Variants in SH2D7 observed in about 807,000 individuals in gnomAD.
SH2D7 encodes the protein SH2 domain containing 7, also known as SH2 domain-containing protein 7.
A neutral mutation model predicts 40.8 loss-of-function variants in SH2D7; 32 were observed. The observed-to-expected ratio is 0.78, with a 90% confidence interval of 0.59 to 1.05. The LOEUF (loss-of-function observed/expected upper bound fraction) is 1.05. Among genes scored for constraint, SH2D7 ranks in the 50% least tolerant of loss-of-function variants. SH2D7 has a pLI of 0.00. For synonymous variants in SH2D7, 195 were observed against 221.5 expected, an observed-to-expected ratio of 0.88 and a Z score of 1.06; for missense variants, 559 against 566.6, an observed-to-expected ratio of 0.99 and a Z score of 0.14.
At position 78,103,548 on chromosome 15, in the gene SH2D7, T is replaced by A; in HGVS notation, c.*33T>A. 1 of 1,555,618 alleles carries A rather than the reference T, an allele frequency of 6.4e-7. No individual in the cohort carries two copies. Among genetic ancestry groups the A allele is most frequent in the South Asian group, 1.2e-5 (1 of 84,340 alleles). On this transcript the variant is annotated 3_prime_UTR_variant, in exon 6 of 6. Coordinates refer to ENST00000328828, the MANE Select transcript of SH2D7 (RefSeq NM_001101404.2). ...GCATCCGGCAGCCCACCAGTGGGTT[T>A]CCTGGTACCCAGGCCATGCCAGGGG...
chr15:78,103,401 G>A, intron 5 of SH2D7, 64 bp from the exon 6 acceptor site: 1 of 1,543,592 alleles, frequency 6.5e-7, no homozygotes, highest in Non-Finnish European at 8.8e-7. Context: ...GGGGTCCTCG[G>A]AGCCTGGGTC....
At chr15:78,090,623 CCATCATCATCAT>C (rs59098608), upstream of SH2D7, among the ~76,000 whole-genome samples, 13 of 146,340 alleles carry the variant, frequency 8.9e-5, no homozygotes, top group South Asian at 2.2e-4. Context: ...TCTTGCATCA[CCATCATCATCAT>C]CATCATCATC....
chr15:78,099,258 C>T (rs1391068138), intron 4 of SH2D7, among the ~76,000 whole-genome samples: 1 of 152,120 alleles, frequency 6.6e-6, no homozygotes, highest in East Asian at 1.9e-4. Context: ...CTCAAGTGAT[C>T]CGCCCGCCTT....
At chr15:78,093,786 T>C (rs566528240) in intron 1 of SH2D7, among the ~76,000 whole-genome samples, 1 of 152,316 alleles carries the variant, frequency 6.6e-6, no homozygotes, top group South Asian at 2.1e-4. Context: ...TACACAACCA[T>C]CCAGGTGGAG....
intron 4 of SH2D7, among the ~76,000 whole-genome samples, chr15:78,099,400 C>T (rs2073997471): frequency 6.6e-6 from 1 of 152,116 alleles, no homozygotes; most frequent in South Asian, 2.1e-4. Context: ...GCAATCTCTG[C>T]ATCCTGGATC....
At position 78,094,198 on chromosome 15, in the gene SH2D7, A is replaced by G. The variant is rs202206957; in HGVS notation, c.263A>G (p.Tyr88Cys). 2.5e-5 allele frequency: 40 copies of G among 1,607,530 alleles called. No homozygotes were observed. In the East Asian group the frequency reaches 8.9e-4, roughly 36 times the overall value. Residue 88 changes from tyrosine (Y) to cysteine (C), a missense_variant, in exon 2 of 6, where the codon TAC (tyrosine) becomes TGC (cysteine). Physicochemically the swap from Tyr to Cys is radical, Grantham distance 194. Coordinates refer to ENST00000328828, the MANE Select transcript of SH2D7 (RefSeq NM_001101404.2). ...CGAGCCACTGGCTACATCTTGTCCT[A>G]CAGGTAAGAGGGGAAGCCCTCTGGG... ...SDRATGYILS[Y>C]RGSDRCRHFV...
chr15:78,094,418 G>A (rs1292475576), intron 2 of SH2D7, among the ~76,000 whole-genome samples: 1 of 152,234 alleles, frequency 6.6e-6, no homozygotes, highest in Admixed American at 6.5e-5. Flanking sequence ...GGTGAGTGGG[G>A]TTCGGGGAGG....
rs2074035401 is a variant in SH2D7, at chr15:78,104,321, T to C, written c.*806T>C. 6.6e-6 allele frequency: 1 copy of C among 152,254 alleles called. No homozygotes were observed. Among genetic ancestry groups the C allele is most frequent in the South Asian group, 2.1e-4 (1 of 4,832 alleles). 9.4% of individuals were successfully genotyped at this position (152,254 alleles called of 1,614,324 possible). On this transcript the variant is annotated 3_prime_UTR_variant, in exon 6 of 6. Coordinates refer to ENST00000328828, the MANE Select transcript of SH2D7 (RefSeq NM_001101404.2). The surrounding 1 kb of genome is among the most constrained non-coding windows in gnomAD (Gnocchi z 4.4). ...TGGGAAATCTACTCTTAGTGACCAC[T>C]TGGCTATGCAGCTTTTCCTGAAATA... is the stretch of plus-strand genomic sequence containing the variant.
At position 78,103,529 on chromosome 15, in the gene SH2D7, G is replaced by A. The variant is rs373423215; in HGVS notation, c.*14G>A. ...CACAAATTCTGAGGGCCTGGCATCC[G>A]GCAGCCCACCAGTGGGTTTCCTGGT... On this transcript the variant is annotated 3_prime_UTR_variant, in exon 6 of 6. Coordinates refer to ENST00000328828, the MANE Select transcript of SH2D7 (RefSeq NM_001101404.2). The A allele has an allele frequency of 7.9e-5, 123 of 1,560,410 alleles. No homozygotes were observed. Among genetic ancestry groups the A allele is most frequent in the African/African-American group, 2.6e-4 (19 of 73,520 alleles).
chr15:78,099,516 G>A (rs184490384), intron 4 of SH2D7, among the ~76,000 whole-genome samples: 5 of 143,168 alleles, frequency 3.5e-5, no homozygotes, highest in African/African-American at 1.1e-4. Flanking sequence ...TAGTAGAGAC[G>A]GGTTTTCGCC....
chr15:78,095,542 G>GA (rs1368719330), intron 2 of SH2D7, among the ~76,000 whole-genome samples: 1 of 152,242 alleles, frequency 6.6e-6, no homozygotes, highest in Non-Finnish European at 1.5e-5. Flanking sequence ...TTCCGTGGGG[G>GA]AAAGGCTTGT....
Position 78,094,118 on chromosome 15 carries a change from G to A in SH2D7, c.183G>A (p.Thr61=), listed in dbSNP as rs540320385. ...WFHGFITRKQ[T]EQLLRDKALG... The stretch of plus-strand genomic sequence containing the variant: ...TGGCATGTCTTCTGCCCAGGCAGAC[G>A]GAGCAGCTACTCAGGGACAAAGCTC... Residue 61 remains threonine (T), a synonymous_variant, in exon 2 of 6, where the codon ACG becomes ACA. Transcript: ENST00000328828. The A allele has an allele frequency of 1.0e-5, 16 of 1,607,480 alleles. 1 individual carries two copies. The highest frequency in any genetic ancestry group is 6.7e-5 in the African/African-American group (5 of 74,836).
rs567428781 is a variant in SH2D7 at position 78,094,609 on chromosome 15, G to T, written c.266+408G>T. Among the ~76,000 whole-genome samples, 77 of 152,314 alleles carry T rather than the reference G, an allele frequency of 5.1e-4. 1 individual carries two copies. Among genetic ancestry groups the T allele is most frequent in the Middle Eastern group, 6.8e-3 (2 of 294 alleles). ...CTGCAGGGTGCTGGGGGAGCTGCAG[G>T]TTGCTGGGTGCAGCAGAACACTTGG... is the stretch of plus-strand genomic sequence containing the variant. On this transcript the variant is annotated intron_variant, in intron 2 of 5. Coordinates refer to ENST00000328828, the MANE Select transcript of SH2D7 (RefSeq NM_001101404.2).
intron 5 of SH2D7, 145 bp from the exon 6 acceptor site, chr15:78,103,320 G>T (rs934239795): frequency 3.5e-6 from 3 of 851,764 alleles, no homozygotes. Flanking sequence ...GGAGAGGCTT[G>T]TGGAATCAAC....
intron 2 of SH2D7, among the ~76,000 whole-genome samples, chr15:78,095,359 A>C (rs940523714): frequency 1.3e-5 from 2 of 151,998 alleles, no homozygotes; most frequent in Non-Finnish European, 2.9e-5. Context: ...GGATTTTTTT[A>C]TTTTCTTTTG....
intron 3 of SH2D7, 137 bp downstream of exon 3, chr15:78,098,231 C>A: frequency 7.1e-7 from 1 of 1,400,492 alleles, no homozygotes; most frequent in Non-Finnish European, 9.6e-7. Flanking sequence ...GGGTCATGAT[C>A]CCTATTGGAA....
chr15:78,095,892 G>T (rs985304753), intron 2 of SH2D7, among the ~76,000 whole-genome samples: 1 of 151,814 alleles, frequency 6.6e-6, no homozygotes, highest in Non-Finnish European at 1.5e-5. Context: ...GCTCTGGCTG[G>T]AGTGCAGTGG....
chr15:78,092,281 T>C (rs1262407446), upstream of SH2D7, among the ~76,000 whole-genome samples: 1 of 151,968 alleles, frequency 6.6e-6, no homozygotes, highest in Non-Finnish European at 1.5e-5. Flanking sequence ...AGACAGGAGG[T>C]TGTGGGGAAC....
At chr15:78,102,030 T>C (rs1255622097) in intron 5 of SH2D7, among the ~76,000 whole-genome samples, 1 of 152,152 alleles carries the variant, frequency 6.6e-6, no homozygotes, top group Non-Finnish European at 1.5e-5. Context: ...GGCAGGTGGA[T>C]TGCTTGAGCT....
Sources: gnomAD v4.1 joint callset for allele counts (sites outside exome capture counted in the v4.1 genomes callset) on GRCh38, gnomAD v4.1.1 for gene constraint, Gnocchi (gnomAD v3.1) non-coding constraint, MANE v1.5 for transcripts, NCBI Gene and HGNC (gene_info 2026-07-23, HGNC 2026-07-21) for gene names.